The following ARL15 variants were observed in gnomAD, a reference collection of about 807,000 sequenced individuals.
ARL15 encodes ADP-ribosylation factor-like protein 15.
Under a neutral mutation model 25.2 loss-of-function variants are expected in ARL15, and 19 were observed. That is an observed-to-expected ratio of 0.75 (90% CI 0.53 to 1.10). The LOEUF (loss-of-function observed/expected upper bound fraction) is 1.10. Among genes scored for constraint, ARL15 ranks in the 50% least tolerant of loss-of-function variants. The pLI is 0.00. For missense variants in ARL15, 220 were observed against 246.0 expected (o/e 0.89, Z 0.71); for synonymous variants, 94 against 86.8 (o/e 1.08, Z -0.46).
chr5:54,244,609 T>A (rs1757038727), intron 1 of ARL15, among the ~76,000 whole-genome samples: 1 of 152,182 alleles, frequency 6.6e-6, no homozygotes, highest in African/African-American at 2.4e-5. Flanking sequence ...AACTTCCTGT[T>A]ATAAATATAA....
intron 1 of ARL15, among the ~76,000 whole-genome samples, chr5:54,305,685 A>G (rs1287831089): frequency 6.6e-6 from 1 of 152,226 alleles, no homozygotes; most frequent in Non-Finnish European, 1.5e-5. Flanking sequence ...ATTAATAATA[A>G]CTAATAATAA....
At chr5:54,212,579 C>A (rs542458339) in intron 1 of ARL15, among the ~76,000 whole-genome samples, 93 of 152,188 alleles carry the variant, frequency 6.1e-4, no homozygotes, top group South Asian at 1.7e-3. Context: ...GGGCTAGACA[C>A]ATTGCTGCCT....
chr5:54,161,186 G>T (rs1333979853), intron 2 of ARL15, among the ~76,000 whole-genome samples: 1 of 151,894 alleles, frequency 6.6e-6, no homozygotes, highest in Non-Finnish European at 1.5e-5. Context: ...TTGTTGTATG[G>T]CATTTAAACT....
chr5:54,185,614 A>C lies in ARL15; in HGVS notation c.49-13686T>G, dbSNP rs574381368. ...GCATGGTTAGACAAGCCTGAAATCAAACCCTATGGCAATCAGGACAAGTTA... is the reference window on the plus strand; with the variant it reads ...GCATGGTTAGACAAGCCTGAAATCACACCCTATGGCAATCAGGACAAGTTA... On this transcript the variant is annotated intron_variant, in intron 1 of 4. Coordinates refer to ENST00000504924, the MANE Select transcript of ARL15 (RefSeq NM_019087.3). 3.9e-5 allele frequency among the ~76,000 whole-genome samples: 6 copies of C among 152,320 alleles called. No homozygotes were observed. The East Asian group carries it at 1.2e-3, about 29-fold the overall frequency.
chr5:54,259,637 T>C (rs1423135044), intron 1 of ARL15, among the ~76,000 whole-genome samples: 1 of 152,130 alleles, frequency 6.6e-6, no homozygotes, highest in Non-Finnish European at 1.5e-5. Context: ...ACAATATCTA[T>C]AGACCCCTAC....
rs764025314 is a variant in ARL15, at chr5:54,053,234, CAACAACA to C, written c.462+59961_462+59967del. ...AAAACTGCATCTCCAAAAACAACAA[CAACAACA>C]AACAACAACAAAACAAACAAAAAAC... On this transcript the variant is annotated intron_variant, in intron 4 of 4. Transcript: ENST00000504924. Among the ~76,000 whole-genome samples, 129 of 149,496 alleles carry C rather than the reference CAACAACA, an allele frequency of 8.6e-4. 1 individual carries two copies. The highest frequency in any genetic ancestry group is 3.2e-3 in the African/African-American group (126 of 39,042).
intron 1 of ARL15, among the ~76,000 whole-genome samples, chr5:54,236,656 T>C (rs1756818776): frequency 6.6e-6 from 1 of 152,266 alleles, no homozygotes; most frequent in African/African-American, 2.4e-5. Flanking sequence ...GAAATTCTAC[T>C]GGTCCTTTAT....
At chr5:53,999,887 C>T (rs2111714492) in intron 4 of ARL15, among the ~76,000 whole-genome samples, 1 of 151,208 alleles carries the variant, frequency 6.6e-6, no homozygotes, top group Non-Finnish European at 1.5e-5. Context: ...AAAAGTGAAA[C>T]TCTGTCTCAA....
intron 3 of ARL15, among the ~76,000 whole-genome samples, chr5:54,149,186 A>T (rs1182304616): frequency 6.6e-6 from 1 of 152,246 alleles, no homozygotes. Context: ...AGAGGCAATG[A>T]TAGAAGAGAT....
chr5:53,895,267 C>T (rs926040631), intron 4 of ARL15, among the ~76,000 whole-genome samples: 3 of 152,172 alleles, frequency 2.0e-5, no homozygotes, highest in Admixed American at 6.5e-5. Flanking sequence ...TTTAGTGGGA[C>T]AGAGGATTTG....
At chr5:54,213,359 C>G (rs778800982) in intron 1 of ARL15, among the ~76,000 whole-genome samples, 2 of 152,156 alleles carry the variant, frequency 1.3e-5, no homozygotes, top group Non-Finnish European at 2.9e-5. Flanking sequence ...TGAGGATGCT[C>G]GAGTCACCCC....
At chr5:54,047,285 A>G (rs1477700473) in intron 4 of ARL15, among the ~76,000 whole-genome samples, 3 of 152,184 alleles carry the variant, frequency 2.0e-5, no homozygotes, top group African/African-American at 7.2e-5. Context: ...AGGGAGATTG[A>G]CTTGTTCATG....
At chr5:53,999,447 A>C (rs1748785222) in intron 4 of ARL15, among the ~76,000 whole-genome samples, 1 of 151,740 alleles carries the variant, frequency 6.6e-6, no homozygotes, top group African/African-American at 2.4e-5. Flanking sequence ...AAAATTAGCC[A>C]GGTATGGTGG....
At chr5:53,896,576 C>T (rs1296878503) in intron 4 of ARL15, among the ~76,000 whole-genome samples, 1 of 152,082 alleles carries the variant, frequency 6.6e-6, no homozygotes, top group African/African-American at 2.4e-5. Flanking sequence ...TCACTGCAAG[C>T]TCCACCTCCC....
At chr5:54,281,364 T>A (rs1222946498) in intron 1 of ARL15, among the ~76,000 whole-genome samples, 1 of 152,196 alleles carries the variant, frequency 6.6e-6, no homozygotes, top group Non-Finnish European at 1.5e-5. Context: ...GGTCTCAAAC[T>A]CCTGACCTCA....
At chr5:54,088,949 T>G (rs912432813) in intron 4 of ARL15, among the ~76,000 whole-genome samples, 1 of 152,268 alleles carries the variant, frequency 6.6e-6, no homozygotes, top group South Asian at 2.1e-4. Flanking sequence ...CTAAAGGTGG[T>G]TTTGTCAGAC....
In ARL15 at chr5:54,108,017, AAG is replaced by A. The variant is rs1752637958; in HGVS notation, c.462+5183_462+5184del. 2.0e-5 allele frequency among the ~76,000 whole-genome samples: 3 copies of A among 152,266 alleles called. No homozygotes were observed. The East Asian group carries it at 5.8e-4, about 29-fold the overall frequency. On this transcript the variant is annotated intron_variant, in intron 4 of 4. Transcript: ENST00000504924. ...CAGGTATACAAAATTAATTTTATCA[AAG>A]AATGCATATAGAAATAAATGAATTA... is the stretch of plus-strand genomic sequence containing the variant.
At chr5:54,177,984 A>T (rs948951908) in intron 1 of ARL15, among the ~76,000 whole-genome samples, 6 of 152,204 alleles carry the variant, frequency 3.9e-5, no homozygotes, top group African/African-American at 1.2e-4. Context: ...CTTTTCTAAG[A>T]TTCACTGGCT....
At chr5:53,953,366 G>A (rs1747041754) in intron 4 of ARL15, among the ~76,000 whole-genome samples, 1 of 152,160 alleles carries the variant, frequency 6.6e-6, no homozygotes, top group Admixed American at 6.5e-5. Flanking sequence ...TTAGTAGGGA[G>A]CTCAGAGAAT....
Sources: allele counts gnomAD v4.1 joint callset (sites outside exome capture counted in the v4.1 genomes callset), GRCh38; gene constraint gnomAD v4.1.1; transcripts MANE v1.5; gene names NCBI Gene and HGNC (gene_info 2026-07-23, HGNC 2026-07-21).